CWC22: variants seen among roughly 807,000 people sequenced by gnomAD.
CWC22 encodes CWC22 spliceosome associated protein, also known as pre-mRNA-splicing factor CWC22 homolog.
In CWC22, 53 loss-of-function variants were observed where a neutral mutation model predicts 117.2. The observed-to-expected ratio is 0.45, with a 90% confidence interval of 0.36 to 0.57. The LOEUF is 0.57. CWC22 is among the 20% of genes least tolerant of loss of function. The pLI is 0.00. For synonymous variants in CWC22, 360 were observed against 355.6 expected (o/e 1.01, Z -0.14); for missense variants, 980 against 1,068.8 (o/e 0.92, Z 1.16).
intron 1 of CWC22, among the ~76,000 whole-genome samples, chr2:180,005,024 A>G (rs912993012): frequency 7.5e-4 from 100 of 133,200 alleles, no homozygotes; most frequent in African/African-American, 2.6e-3. Flanking sequence ...ATGCTTTCGG[A>G]AAAAAAAAAA....
At position 179,976,918 on chromosome 2, in the gene CWC22, G is replaced by A. The variant is rs555988420; in HGVS notation, c.581+1272C>T. ...GCCTGTCATACCAACACTTTGGGAA[G>A]CCAAGTCGGGAGGACTGCTTGAGCT... On this transcript the variant is annotated intron_variant, in intron 6 of 19. Coordinates refer to ENST00000410053, the MANE Select transcript of CWC22 (RefSeq NM_020943.3). Among the ~76,000 whole-genome samples, 19 of 152,304 alleles carry A rather than the reference G, an allele frequency of 1.2e-4. No individual in the cohort carries two copies. In the South Asian group the frequency reaches 3.9e-3, roughly 32 times the overall value.
At chr2:180,006,122 A>G (rs1687966059) in intron 1 of CWC22, among the ~76,000 whole-genome samples, 2 of 152,194 alleles carry the variant, frequency 1.3e-5, no homozygotes, top group African/African-American at 2.4e-5. Flanking sequence ...AGGTAGGTTA[A>G]CTGATCTGCT....
intron 13 of CWC22, among the ~76,000 whole-genome samples, chr2:179,959,384 T>G (rs182132543): frequency 3.3e-5 from 5 of 152,226 alleles, no homozygotes; most frequent in African/African-American, 1.2e-4. Context: ...GAAAGTAGAT[T>G]AAATGAGTAG....
At chr2:179,956,289 G>A (rs1411274818) in intron 14 of CWC22, among the ~76,000 whole-genome samples, 5 of 151,566 alleles carry the variant, frequency 3.3e-5, no homozygotes, top group Non-Finnish European at 7.4e-5. Flanking sequence ...CATGGTAGCC[G>A]CTAGCCATTA....
intron 2 of CWC22, among the ~76,000 whole-genome samples, chr2:179,992,595 T>C (rs570665444): frequency 3.9e-5 from 6 of 152,312 alleles, no homozygotes; most frequent in African/African-American, 1.4e-4. Context: ...CATTCTAACA[T>C]ACTACATAAC....
chr2:179,968,535 C>T (rs115062650), intron 11 of CWC22, among the ~76,000 whole-genome samples: 10,354 of 150,670 alleles, frequency 0.069, 467 homozygotes, highest in East Asian at 0.26. Context: ...ATAAAAAACA[C>T]CATTCTCACT....
At chr2:180,001,843 T>A (rs1687856431) in intron 1 of CWC22, among the ~76,000 whole-genome samples, 1 of 152,214 alleles carries the variant, frequency 6.6e-6, no homozygotes, top group Non-Finnish European at 1.5e-5. Flanking sequence ...ACCACCTTCA[T>A]TTGTCCATCC....
At chr2:179,955,575 T>C (rs963076087) in intron 14 of CWC22, among the ~76,000 whole-genome samples, 1 of 151,988 alleles carries the variant, frequency 6.6e-6, no homozygotes, top group Admixed American at 6.6e-5. Context: ...AACACCTCTG[T>C]GGATGAATTT....
chr2:180,003,206 C>T (rs889336351), intron 1 of CWC22, among the ~76,000 whole-genome samples: 7 of 152,146 alleles, frequency 4.6e-5, no homozygotes, highest in Non-Finnish European at 8.8e-5. Context: ...AGATGCCACC[C>T]CCTATTAGTC....
rs1575641324 is a variant in CWC22 at position 179,959,206 on chromosome 2, C to T, written c.1398-124G>A. The T allele has an allele frequency of 2.2e-5, 14 of 634,186 alleles. 1 individual carries two copies. In the South Asian group the frequency reaches 2.3e-4, roughly 10 times the overall value. 39.3% of individuals were successfully genotyped at this position (634,186 alleles called of 1,614,324 possible). ...TTAACTGTAATTTCATATTGTTGTA[C>T]TGTGTATATAAGGAAAATATAGCTC... On this transcript the variant is annotated intron_variant, in intron 13 of 19. Transcript: ENST00000410053.
chr2:179,975,115 A>G (rs1000127240), intron 6 of CWC22, among the ~76,000 whole-genome samples: 3 of 152,314 alleles, frequency 2.0e-5, no homozygotes, highest in Admixed American at 1.3e-4. Context: ...CAGCCCTCAG[A>G]TTTTAAAATA....
chr2:179,990,503 A>T (rs182430746), intron 2 of CWC22, among the ~76,000 whole-genome samples: 4 of 151,644 alleles, frequency 2.6e-5, no homozygotes, highest in Admixed American at 2.6e-4. Flanking sequence ...TAAACACATT[A>T]GATTATATGT....
At chr2:179,995,417 A>G (rs751782408) in intron 1 of CWC22, among the ~76,000 whole-genome samples, 7 of 152,302 alleles carry the variant, frequency 4.6e-5, no homozygotes, top group Non-Finnish European at 8.8e-5. Context: ...TAATAAGCCT[A>G]TGTTATCAAA....
intron 4 of CWC22, among the ~76,000 whole-genome samples, chr2:179,983,918 A>T (rs1218248485): frequency 6.6e-6 from 1 of 152,130 alleles, no homozygotes; most frequent in African/African-American, 2.4e-5. Context: ...CAGGTAAGAG[A>T]GCTAGCTGGC....
chr2:179,990,037 T>G (rs947016297), intron 2 of CWC22, among the ~76,000 whole-genome samples: 2 of 152,178 alleles, frequency 1.3e-5, no homozygotes, highest in Admixed American at 6.5e-5. Context: ...GAGTCTAACA[T>G]AATCACAAGT....
intron 6 of CWC22, 153 bp from the exon 7 acceptor site, chr2:179,973,955 A>C (rs1042755664): frequency 1.6e-5 from 7 of 446,310 alleles, no homozygotes; most frequent in Non-Finnish European, 2.7e-5. Context: ...CTAATAAATA[A>C]AAATTGTTTT....
chr2:180,003,143 C>T (rs560986137), intron 1 of CWC22, among the ~76,000 whole-genome samples: 4 of 152,366 alleles, frequency 2.6e-5, no homozygotes, highest in African/African-American at 9.6e-5. Context: ...TTAACTCCTA[C>T]TTCTTGGAAA....
Position 179,973,716 on chromosome 2 carries a change from T to A in CWC22, c.668A>T (p.Asn223Ile). The A allele has an allele frequency of 6.2e-7, 1 of 1,610,052 alleles. No individual in the cohort carries two copies. The highest frequency in any genetic ancestry group is 8.5e-7 in the Non-Finnish European group (1 of 1,176,738). The change falls in exon 7 of 20, where the codon AAC becomes ATC. Residue 223 changes from asparagine to isoleucine, a missense_variant. Around this residue, in one of 3 missense-constraint regions of CWC22, gnomAD observed 559 missense variants for 602.3 expected, o/e 0.93. Coordinates refer to ENST00000410053, the MANE Select transcript of CWC22 (RefSeq NM_020943.3). The stretch of plus-strand genomic sequence containing the variant: ...TTCTCCAATTTGTGGAAATTTTGAG[T>A]TGATAATTGCCACTAATGCTGCATA... ...HVYAALVAIINSKFPQIGELI... is the reference protein window; with the variant it reads ...HVYAALVAIIISKFPQIGELI...
At position 179,988,488 on chromosome 2, in the gene CWC22, C is replaced by G. The variant is rs932062361; in HGVS notation, c.95+89G>C. ...AAAACCATTAAAAAGAAGTTATCCA[C>G]CCTAAAATTAGAAATCTAAGAGCTA... is the stretch of plus-strand genomic sequence containing the variant. On this transcript the variant is annotated intron_variant, in intron 3 of 19. Transcript: ENST00000410053. 10 of 693,252 alleles carry G rather than the reference C, an allele frequency of 1.4e-5. No individual in the cohort carries two copies. In the East Asian group the frequency reaches 3.0e-4, roughly 21 times the overall value. 42.9% of individuals were successfully genotyped at this position (693,252 alleles called of 1,614,324 possible). A position where few individuals can be genotyped will look rare whatever the true frequency, so the allele number is the denominator to read the frequency against.
Sources: gnomAD v4.1 joint callset for allele counts (sites outside exome capture counted in the v4.1 genomes callset) on GRCh38, gnomAD v4.1.1 for gene constraint, gnomAD v4.1.1 regional missense constraint, MANE v1.5 for transcripts, NCBI Gene and HGNC (gene_info 2026-07-23, HGNC 2026-07-21) for gene names.